The following GAB2 variants were observed in gnomAD, a reference collection of about 807,000 sequenced individuals.
The protein encoded by GAB2 is GRB2 associated binding protein 2, also known as GRB2-associated-binding protein 2.
A neutral mutation model predicts 65.5 loss-of-function variants in GAB2; 26 were observed. The ratio of observed to expected loss-of-function variants is 0.40; its 90% confidence interval spans 0.29 to 0.55. The LOEUF (loss-of-function observed/expected upper bound fraction) is 0.55, where lower values mean the gene tolerates loss of function less well. Ranked by LOEUF, GAB2 falls within the 20% of genes least tolerant of loss-of-function variation. The pLI is 0.53. For synonymous variants in GAB2, 321 were observed against 329.6 expected (o/e 0.97, Z 0.28); for missense variants, 884 against 875.8 (o/e 1.01, Z -0.12).
At chr11:78,324,660 A>C (rs1855791002) in intron 1 of GAB2, 1 of 152,208 alleles carries the variant, frequency 6.6e-6, no homozygotes, top group Non-Finnish European at 1.5e-5. Context: ...ATAGTGTCTC[A>C]TTATTCACTA....
chr11:78,414,780 A>C (rs932586163), intron 1 of GAB2, among the ~76,000 whole-genome samples: 2 of 152,224 alleles, frequency 1.3e-5, no homozygotes, highest in African/African-American at 4.8e-5. Context: ...TGATGAAAAA[A>C]ATCCCTGAAA....
At chr11:78,279,302 A>G (rs951296532) in intron 2 of GAB2, among the ~76,000 whole-genome samples, 3 of 152,202 alleles carry the variant, frequency 2.0e-5, no homozygotes, top group Non-Finnish European at 4.4e-5. Context: ...ACTTCAAGAT[A>G]GTAATAGTGG....
At position 78,415,613 on chromosome 11, in the gene GAB2, G is replaced by A. The variant is rs893860219; in HGVS notation, c.75+2033C>T. On this transcript the variant is annotated intron_variant, in intron 1 of 9. Coordinates refer to ENST00000361507, the MANE Select transcript of GAB2 (RefSeq NM_080491.3). ...CACATCACATCCTAACCTAAGAAAA[G>A]CTGTTACTTAAAGCTGTTAAGGTCT... Among the ~76,000 whole-genome samples the A allele has an allele frequency of 7.2e-5, 11 of 152,288 alleles. No individual in the cohort carries two copies. The South Asian group carries it at 1.4e-3, about 20-fold the overall frequency.
intron 1 of GAB2, among the ~76,000 whole-genome samples, chr11:78,388,486 C>A (rs1856796125): frequency 6.6e-6 from 1 of 152,104 alleles, no homozygotes; most frequent in Non-Finnish European, 1.5e-5. Flanking sequence ...GCCACCACAT[C>A]CAGCTATTTT....
chr11:78,387,536 G>T (rs762758391), intron 1 of GAB2, among the ~76,000 whole-genome samples: 1 of 152,312 alleles, frequency 6.6e-6, no homozygotes, highest in Admixed American at 6.5e-5. Flanking sequence ...TTGTTAACAC[G>T]ATAGAAAAGG....
At chr11:78,236,778 T>G (rs1261570631) in intron 3 of GAB2, among the ~76,000 whole-genome samples, 1 of 152,018 alleles carries the variant, frequency 6.6e-6, no homozygotes, top group African/African-American at 2.4e-5. Context: ...TTTGATTGTT[T>G]TTTTTTTGAA....
chr11:78,382,386 T>A (rs60265210), intron 1 of GAB2, among the ~76,000 whole-genome samples: 4,115 of 151,214 alleles, frequency 0.027, 82 homozygotes, highest in African/African-American at 0.057. Flanking sequence ...TATTATTATT[T>A]TTTTTTTTTT....
intron 1 of GAB2, among the ~76,000 whole-genome samples, chr11:78,326,585 C>T (rs1250575091): frequency 1.3e-5 from 2 of 152,076 alleles, no homozygotes; most frequent in Non-Finnish European, 2.9e-5. Flanking sequence ...TTATTTCTGT[C>T]CTATCTTTTT....
At chr11:78,318,833 G>C (rs1479685103) in intron 1 of GAB2, among the ~76,000 whole-genome samples, 1 of 152,194 alleles carries the variant, frequency 6.6e-6, no homozygotes, top group Non-Finnish European at 1.5e-5. Context: ...GAAATAATCG[G>C]AGGCAGCACT....
chr11:78,328,652 A>G (rs1210956184), intron 1 of GAB2, among the ~76,000 whole-genome samples: 1 of 152,186 alleles, frequency 6.6e-6, no homozygotes, highest in Non-Finnish European at 1.5e-5. Flanking sequence ...GTATTATACC[A>G]AATGAAAGAA....
chr11:78,353,270 G>A (rs1404151528), intron 1 of GAB2, among the ~76,000 whole-genome samples: 2 of 152,056 alleles, frequency 1.3e-5, no homozygotes, highest in Non-Finnish European at 2.9e-5. Flanking sequence ...GTGAAACCTC[G>A]TCTGTACTAA....
rs57095813 is a variant in GAB2, at chr11:78,398,041, C to CACACACACACACACACACACAT, written c.75+19604_75+19605insATGTGTGTGTGTGTGTGTGTGT. Among the ~76,000 whole-genome samples the CACACACACACACACACACACAT allele has an allele frequency of 9.0e-3, 1,371 of 151,492 alleles. 24 individuals carry two copies. Among genetic ancestry groups the CACACACACACACACACACACAT allele is most frequent in the African/African-American group, 0.032 (1,294 of 41,034 alleles). Reference sequence around the variant, plus strand: ...ATAGCTACACACACACACACACACACATCCCTGGCCTATACTCAATGTTTT... The same window carrying CACACACACACACACACACACAT: ...ATAGCTACACACACACACACACACACACACACACACACACACACACATATCCCTGGCCTATACTCAATGTTTT... On this transcript the variant is annotated intron_variant, in intron 1 of 9. Transcript: ENST00000361507.
In GAB2 at chr11:78,356,002, G is replaced by A. The variant is rs148038732; in HGVS notation, c.75+61644C>T. Among the ~76,000 whole-genome samples, 190 of 151,882 alleles carry A rather than the reference G, an allele frequency of 1.3e-3. 1 individual carries two copies. Among genetic ancestry groups the A allele is most frequent in the Non-Finnish European group, 1.8e-3 (124 of 67,920 alleles). On this transcript the variant is annotated intron_variant, in intron 1 of 9. Coordinates refer to ENST00000361507, the MANE Select transcript of GAB2 (RefSeq NM_080491.3). ...AGACTGGCCAACATGGTGAAAGCCC[G>A]TCTCTAATAAAAATACAAAAATTAG...
chr11:78,226,611 CGGGGT>C lies in GAB2; in HGVS notation c.1056_1060del (p.Arg354ProfsTer22). The C allele has an allele frequency of 2.1e-5, 6 of 282,820 alleles. No homozygotes were observed. The highest frequency in any genetic ancestry group is 3.8e-5 in the Non-Finnish European group (6 of 157,808). 17.5% of individuals were successfully genotyped at this position (282,820 alleles called of 1,614,324 possible). On this transcript the variant is annotated frameshift_variant, in exon 4 of 10. Coordinates refer to ENST00000361507, the MANE Select transcript of GAB2 (RefSeq NM_080491.3). LOFTEE classifies it high-confidence loss of function. ...TTCTGCCTGACTTGGCTTGGGGGGG[CGGGGT>C]GGGGGAGCTATGGCTGAGTCCCCAG...
intron 2 of GAB2, among the ~76,000 whole-genome samples, chr11:78,265,221 T>TATATATATAA: frequency 7.0e-6 from 1 of 143,134 alleles, no homozygotes; most frequent in Non-Finnish European, 1.5e-5. Flanking sequence ...TATATATATA[T>TATATATATAA]ATAAAAGCAC....
chr11:78,334,126 T>G (rs1245549901), intron 1 of GAB2, among the ~76,000 whole-genome samples: 1 of 152,170 alleles, frequency 6.6e-6, no homozygotes, highest in Non-Finnish European at 1.5e-5. Flanking sequence ...CTTTTTTAAT[T>G]TAATTTTTGT....
Position 78,350,551 on chromosome 11 carries a change from G to A in GAB2, c.75+67095C>T, listed in dbSNP as rs114455630. On this transcript the variant is annotated intron_variant, in intron 1 of 9. Transcript: ENST00000361507. ...TCTGAAATCTGTTATAAAGCCAGGCGACTTTTCATTGTTACACTATAAATT... is the reference window on the plus strand; with the variant it reads ...TCTGAAATCTGTTATAAAGCCAGGCAACTTTTCATTGTTACACTATAAATT... 2.4e-3 allele frequency among the ~76,000 whole-genome samples: 361 copies of A among 152,262 alleles called. 2 individuals carry two copies. Among genetic ancestry groups the A allele is most frequent in the East Asian group, 8.7e-3 (45 of 5,186 alleles).
At chr11:78,401,664 T>C (rs1273444289) in intron 1 of GAB2, among the ~76,000 whole-genome samples, 1 of 152,152 alleles carries the variant, frequency 6.6e-6, no homozygotes, top group African/African-American at 2.4e-5. Flanking sequence ...TGTGCGTGTG[T>C]GTATATATAT....
rs1334176521 is a variant in GAB2, at chr11:78,225,134, T to A, written c.1276A>T (p.Met426Leu). The A allele has an allele frequency of 6.2e-7, 1 of 1,613,234 alleles. No individual in the cohort carries two copies. Among genetic ancestry groups the A allele is most frequent in the Admixed American group, 1.7e-5 (1 of 60,008 alleles). Reference protein sequence around the residue: ...GESAGRSAESMSDGVGSFLPG... With the variant: ...GESAGRSAESLSDGVGSFLPG... ...AGGAAAGAGCCAACTCCATCACTCA[T>A]GGATTCAGCAGACCGGCCTGCACTC... The change falls in exon 5 of 10, where the codon ATG (methionine) becomes TTG (leucine). Residue 426 changes from methionine (M) to leucine (L), a missense_variant. Met to Leu is a conservative substitution (Grantham distance 15). Transcript: ENST00000361507.
Sources: allele counts gnomAD v4.1 joint callset (sites outside exome capture counted in the v4.1 genomes callset), GRCh38; gene constraint gnomAD v4.1.1; transcripts MANE v1.5; gene names NCBI Gene and HGNC (gene_info 2026-07-23, HGNC 2026-07-21).